The following PDE1C variants were observed in gnomAD, a reference collection of about 807,000 sequenced individuals.
PDE1C encodes the protein phosphodiesterase 1C, also known as dual specificity calcium/calmodulin-dependent 3',5'-cyclic nucleotide phosphodiesterase 1C.
In PDE1C, 62 loss-of-function variants were observed where a neutral mutation model predicts 93.1. The observed-to-expected ratio is 0.67, with a 90% CI of 0.54 to 0.82. PDE1C has a LOEUF of 0.82. Among genes scored for constraint, PDE1C ranks in the 40% least tolerant of loss-of-function variants. PDE1C has a pLI of 0.00. For missense variants in PDE1C, 742 were observed against 884.6 expected (o/e 0.84, Z 2.04); for synonymous variants, 325 against 310.1 (o/e 1.05, Z -0.50).
the PDE1C span, among the ~76,000 whole-genome samples, chr7:31,681,175 T>G: frequency 6.6e-6 from 1 of 152,276 alleles, no homozygotes; most frequent in African/African-American, 2.4e-5. Context: ...TTGAGAGGGG[T>G]AGGTAAACGG....
rs1440870586 is a variant in PDE1C at position 31,790,014 on chromosome 7, G to T, written c.1892-14282C>A. The T allele has an allele frequency of 3.8e-6, 5 of 1,313,730 alleles. No homozygotes were observed. The African/African-American group carries it at 7.6e-5, about 20-fold the overall frequency. The allele number at this position is 1,313,730 out of a possible 1,614,324, so 81.4% of individuals were successfully genotyped here. A position where few individuals can be genotyped will look rare whatever the true frequency, so the allele number is the denominator to read the frequency against. The stretch of plus-strand genomic sequence containing the variant: ...CTCACGTTGTTTGTTTTGCTCAGGG[G>T]AATATCCCCCAGAGTTCTAAGACCT... On this transcript the variant is annotated intron_variant, in intron 16 of 17. Transcript: ENST00000396191.
chr7:31,812,316 A>G (rs1331720121), intron 15 of PDE1C, among the ~76,000 whole-genome samples: 1 of 152,074 alleles, frequency 6.6e-6, no homozygotes. Flanking sequence ...CCCTTAACCA[A>G]CTTCAAAATG....
At chr7:31,773,006 G>T (rs990667949) in intron 17 of PDE1C, among the ~76,000 whole-genome samples, 4 of 152,190 alleles carry the variant, frequency 2.6e-5, no homozygotes, top group Admixed American at 6.5e-5. Flanking sequence ...GCTGGGTATT[G>T]CAATGAGGTG....
At chr7:32,269,219 C>G (rs1427360418) in intron 1 of PDE1C, among the ~76,000 whole-genome samples, 3 of 152,074 alleles carry the variant, frequency 2.0e-5, no homozygotes, top group Non-Finnish European at 2.9e-5. Context: ...CATGAGCCAC[C>G]TGAGGATGTT....
intron 2 of PDE1C, among the ~76,000 whole-genome samples, chr7:31,898,443 T>C (rs903626237): frequency 6.6e-6 from 1 of 152,178 alleles, no homozygotes; most frequent in Non-Finnish European, 1.5e-5. Flanking sequence ...TCCCTTGTTA[T>C]TAAGAGTTTT....
chr7:32,416,288 G>T (rs900783888), intron 1 of PDE1C, among the ~76,000 whole-genome samples: 13 of 152,186 alleles, frequency 8.5e-5, no homozygotes, highest in African/African-American at 3.1e-4. Context: ...CTCAGGGAAT[G>T]CCCCGGACGT....
At chr7:31,640,885 A>G in the PDE1C span, among the ~76,000 whole-genome samples, 1 of 152,192 alleles carries the variant, frequency 6.6e-6, no homozygotes, top group African/African-American at 2.4e-5. Context: ...CTATTTTAAA[A>G]TGTATGCCCT....
chr7:32,011,874 G>C (rs1787169519), intron 2 of PDE1C, among the ~76,000 whole-genome samples: 1 of 152,152 alleles, frequency 6.6e-6, no homozygotes, highest in Non-Finnish European at 1.5e-5. Context: ...TCTTGCATAT[G>C]AATGTTCTTA....
chr7:32,404,509 C>T (rs554510594), intron 1 of PDE1C, among the ~76,000 whole-genome samples: 35 of 152,106 alleles, frequency 2.3e-4, no homozygotes, highest in African/African-American at 8.0e-4. Flanking sequence ...GCATGCCACT[C>T]CACCTGGCTA....
At chr7:32,071,614 T>G (rs543545901), upstream of PDE1C, among the ~76,000 whole-genome samples, 1 of 152,200 alleles carries the variant, frequency 6.6e-6, no homozygotes, top group African/African-American at 2.4e-5. Context: ...CCCTCCTGGG[T>G]GCTGGCTGGG....
intron 12 of PDE1C, among the ~76,000 whole-genome samples, chr7:31,827,138 C>G (rs1318306613): frequency 6.6e-6 from 1 of 152,108 alleles, no homozygotes; most frequent in Non-Finnish European, 1.5e-5. Context: ...GGGCTTGATA[C>G]GTCCCTCACT....
At chr7:31,648,549 C>T in the PDE1C span, among the ~76,000 whole-genome samples, 3 of 152,184 alleles carry the variant, frequency 2.0e-5, no homozygotes, top group Non-Finnish European at 4.4e-5. Context: ...AACACTCCAT[C>T]AGTTATTCCC....
rs112645416 is a variant in PDE1C, at chr7:32,363,143, A to G, written c.310+64679T>C. 2.2e-3 allele frequency among the ~76,000 whole-genome samples: 340 copies of G among 152,326 alleles called. 1 individual carries two copies. The highest frequency in any genetic ancestry group is 7.6e-3 in the African/African-American group (317 of 41,570). On this transcript the variant is annotated intron_variant, in intron 1 of 1. Transcript: ENST00000672256. ...AACACCTTTGAAAGTGAAAGGGGGC[A>G]TCTTTATTAGTATTTTTTAGAAAGG... is the stretch of plus-strand genomic sequence containing the variant.
chr7:31,868,442 C>A (rs564728872), intron 6 of PDE1C, among the ~76,000 whole-genome samples: 8 of 151,892 alleles, frequency 5.3e-5, no homozygotes, highest in South Asian at 2.1e-4. Context: ...TAGACTAGAC[C>A]AAGCAAGAAG....
the PDE1C span, among the ~76,000 whole-genome samples, chr7:31,716,283 G>A: frequency 6.6e-6 from 1 of 152,210 alleles, no homozygotes; most frequent in South Asian, 2.1e-4. Flanking sequence ...AGTTGCCCAA[G>A]TTATTACCTA....
intron 1 of PDE1C, among the ~76,000 whole-genome samples, chr7:32,269,006 G>A (rs1438964914): frequency 2.0e-5 from 3 of 152,222 alleles, no homozygotes; most frequent in African/African-American, 7.2e-5. Context: ...AGACCTGAAA[G>A]AGGCAGTGAG....
intron 2 of PDE1C, among the ~76,000 whole-genome samples, chr7:31,894,222 C>T (rs186170857): frequency 3.3e-5 from 5 of 152,320 alleles, no homozygotes; most frequent in East Asian, 1.9e-4. Flanking sequence ...TTCACAGCTA[C>T]GCTATCGATC....
intron 1 of PDE1C, among the ~76,000 whole-genome samples, chr7:32,264,166 C>T (rs1452007226): frequency 6.6e-6 from 1 of 152,090 alleles, no homozygotes; most frequent in Non-Finnish European, 1.5e-5. Flanking sequence ...CTCTATATTT[C>T]AAACAATTGA....
At chr7:32,016,278 A>C (rs1158244628) in intron 2 of PDE1C, among the ~76,000 whole-genome samples, 1 of 152,206 alleles carries the variant, frequency 6.6e-6, no homozygotes, top group African/African-American at 2.4e-5. Context: ...TTAGAGAAGG[A>C]AAGAATTCAA....
Sources: gnomAD v4.1 joint callset for allele counts (sites outside exome capture counted in the v4.1 genomes callset) on GRCh38, gnomAD v4.1.1 for gene constraint, MANE v1.5 for transcripts, NCBI Gene and HGNC (gene_info 2026-07-23, HGNC 2026-07-21) for gene names.